The following AGO3 variants were observed in gnomAD, a reference collection of about 807,000 sequenced individuals.
AGO3 encodes protein argonaute-3.
In AGO3, 16 loss-of-function variants were observed where a neutral mutation model predicts 105.5. That is an observed-to-expected ratio of 0.15 (90% CI 0.10 to 0.23). The LOEUF (loss-of-function observed/expected upper bound fraction) is 0.23. Among genes scored for constraint, AGO3 ranks in the 10% least tolerant of loss-of-function variants. The pLI is 1.00. For synonymous variants in AGO3, 340 were observed against 367.3 expected, an observed-to-expected ratio of 0.93 and a Z score of 0.85; for missense variants, 534 against 1,088.0, an observed-to-expected ratio of 0.49 and a Z score of 7.16.
At chr1:36,024,363 C>G (rs1002669182) in intron 11 of AGO3, among the ~76,000 whole-genome samples, 8 of 152,080 alleles carry the variant, frequency 5.3e-5, no homozygotes, top group African/African-American at 1.9e-4. Context: ...TCTCGAACTC[C>G]TGGACTTAAG....
At chr1:35,974,552 C>T (rs1210184253) in intron 5 of AGO3, among the ~76,000 whole-genome samples, 1 of 151,980 alleles carries the variant, frequency 6.6e-6, no homozygotes, top group African/African-American at 2.4e-5. Context: ...TGCTTTATGT[C>T]GTGTCATATT....
chr1:36,007,472 G>T (rs183595383), intron 6 of AGO3, among the ~76,000 whole-genome samples: 2 of 152,290 alleles, frequency 1.3e-5, no homozygotes, highest in East Asian at 3.9e-4. Flanking sequence ...CAAGGTGGGT[G>T]GTTCACCTGA....
chr1:35,952,139 TC>T (rs1557648155), intron 2 of AGO3, among the ~76,000 whole-genome samples: 21,180 of 129,326 alleles, frequency 0.16, 4,240 homozygotes, highest in East Asian at 0.63. Flanking sequence ...TTTCTTTCTT[TC>T]TTTCTTTCTT....
At position 36,027,344 on chromosome 1, in the gene AGO3, C is replaced by T; in HGVS notation, c.1591+46C>T. On this transcript the variant is annotated intron_variant, in intron 12 of 18. Coordinates refer to ENST00000373191, the MANE Select transcript of AGO3 (RefSeq NM_024852.4). The surrounding 1 kb of genome is among the most constrained non-coding windows in gnomAD (Gnocchi z 4.0). ...CATTTTTCCTCAAGTACTTGATGTC[C>T]TTTTAGGATTATACTGAAACATATC... The T allele has an allele frequency of 6.7e-7, 1 of 1,500,262 alleles. No homozygotes were observed. Among genetic ancestry groups the T allele is most frequent in the Non-Finnish European group, 9.0e-7 (1 of 1,109,312 alleles). The allele number at this position is 1,500,262 out of a possible 1,614,324, so 92.9% of individuals were successfully genotyped here. A position where few individuals can be genotyped will look rare whatever the true frequency, so the allele number is the denominator to read the frequency against.
chr1:36,011,354 CT>C lies in AGO3; in HGVS notation c.1149+1770del, dbSNP rs1227810798. Among the ~76,000 whole-genome samples the C allele has an allele frequency of 6.0e-5, 9 of 149,850 alleles. No individual in the cohort carries two copies. The East Asian group carries it at 7.8e-4, about 13-fold the overall frequency. On this transcript the variant is annotated intron_variant, in intron 9 of 18. Coordinates refer to ENST00000373191, the MANE Select transcript of AGO3 (RefSeq NM_024852.4). ...TGGTAAGCCAACTGCAGAAAAAATACTTTTTTTTTTCCTTATTGACTCTTCT... is the reference window on the plus strand; with the variant it reads ...TGGTAAGCCAACTGCAGAAAAAATACTTTTTTTTTCCTTATTGACTCTTCT...
In AGO3 at chr1:36,040,003, C is replaced by G; in HGVS notation, c.2037+19C>G. 6.3e-7 allele frequency: 1 copy of G among 1,593,956 alleles called. No homozygotes were observed. Among genetic ancestry groups the G allele is most frequent in the Non-Finnish European group, 8.6e-7 (1 of 1,166,306 alleles). The stretch of plus-strand genomic sequence containing the variant: ...TAGGCAGGTTGGTTACCTAGAATCT[C>G]ATCAGACTATGGTGAAATCAGATAT... On this transcript the variant is annotated intron_variant, in intron 15 of 18. Transcript: ENST00000373191.
intron 17 of AGO3, among the ~76,000 whole-genome samples, chr1:36,052,705 T>G (rs1437458250): frequency 1.3e-5 from 2 of 152,126 alleles, no homozygotes; most frequent in Admixed American, 1.3e-4. Context: ...CAAAAAAAGT[T>G]AATAGTATCT....
At chr1:36,023,416 G>A (rs1247471458) in intron 11 of AGO3, among the ~76,000 whole-genome samples, 1 of 152,192 alleles carries the variant, frequency 6.6e-6, no homozygotes, top group Non-Finnish European at 1.5e-5. Flanking sequence ...GTTTAATTGA[G>A]GAAACAGTGA....
intron 17 of AGO3, 122 bp from the exon 18 acceptor site, chr1:36,054,824 G>T: frequency 3.4e-6 from 3 of 877,308 alleles, no homozygotes; most frequent in Non-Finnish European, 3.6e-6. Context: ...GGAGGTTGCA[G>T]TGATCTGAGA....
chr1:36,046,566 G>A (rs274738), intron 17 of AGO3, among the ~76,000 whole-genome samples: 15,641 of 134,914 alleles, frequency 0.12, 2,324 homozygotes, highest in East Asian at 0.68. Flanking sequence ...GTCATGGCGC[G>A]CGCCTGTAGT....
Position 35,972,131 on chromosome 1 carries a change from G to A in AGO3, c.420G>A (p.Leu140=). ...GTTGGCACCTACTGCATGAAGTACTGACAGGACGGACCTTGCCTGAGCCAC... is the reference window on the plus strand; with the variant it reads ...GTTGGCACCTACTGCATGAAGTACTAACAGGACGGACCTTGCCTGAGCCAC... The part of the protein sequence containing the change: ...RVSWHLLHEV[L]TGRTLPEPLE... The change falls in exon 4 of 19, where the codon CTG becomes CTA. Residue 140 remains leucine, a synonymous_variant. Coordinates refer to ENST00000373191, the MANE Select transcript of AGO3 (RefSeq NM_024852.4). 1 of 1,614,080 alleles carries A rather than the reference G, an allele frequency of 6.2e-7. No individual in the cohort carries two copies. The highest frequency in any genetic ancestry group is 8.5e-7 in the Non-Finnish European group (1 of 1,180,014).
At chr1:35,995,296 T>G (rs921954421) in intron 5 of AGO3, among the ~76,000 whole-genome samples, 2 of 150,490 alleles carry the variant, frequency 1.3e-5, no homozygotes, top group Non-Finnish European at 3.0e-5. Context: ...AACTTAACAT[T>G]TCTATTTTGA....
At chr1:36,012,317 T>A (rs1640656021) in intron 9 of AGO3, among the ~76,000 whole-genome samples, 1 of 148,032 alleles carries the variant, frequency 6.8e-6, no homozygotes. Flanking sequence ...AGCGAGACCC[T>A]GTCTCAAAAA....
chr1:35,939,291 T>A (rs933774970), intron 1 of AGO3, among the ~76,000 whole-genome samples: 1 of 152,160 alleles, frequency 6.6e-6, no homozygotes, highest in African/African-American at 2.4e-5. Flanking sequence ...TATAGAATTC[T>A]GTTCATTGCT....
intron 5 of AGO3, among the ~76,000 whole-genome samples, chr1:36,003,141 AT>A (rs201615643): frequency 4.2e-3 from 616 of 146,302 alleles, no homozygotes; most frequent in Admixed American, 4.8e-3. Context: ...GACAGTGGGC[AT>A]TTTTTTTTTT....
intron 5 of AGO3, among the ~76,000 whole-genome samples, chr1:35,998,029 T>C (rs189332307): frequency 6.6e-6 from 1 of 152,310 alleles, no homozygotes; most frequent in African/African-American, 2.4e-5. Flanking sequence ...TTAGAGTATA[T>C]TATAAAACCT....
In AGO3 at chr1:35,941,594, C is replaced by A. The variant is rs188890747; in HGVS notation, c.20-4098C>A. On this transcript the variant is annotated intron_variant, in intron 1 of 18. Transcript: ENST00000373191. ...GTTACCATCCCAATTCTCCTACTTA[C>A]TAGCTATAAAAATTTTAGGCAAATT... Among the ~76,000 whole-genome samples the A allele has an allele frequency of 5.9e-5, 9 of 152,288 alleles. No individual in the cohort carries two copies. The East Asian group carries it at 1.7e-3, about 29-fold the overall frequency.
chr1:35,931,490 C>A, intron 1 of AGO3, 45 bp downstream of exon 1: 1 of 1,430,340 alleles, frequency 7.0e-7, no homozygotes, highest in Non-Finnish European at 9.2e-7. Flanking sequence ...CACCCAGCTA[C>A]TGTCCTCTGA....
At chr1:36,018,633 A>T (rs1416130619) in intron 11 of AGO3, among the ~76,000 whole-genome samples, 1 of 151,716 alleles carries the variant, frequency 6.6e-6, no homozygotes, top group Non-Finnish European at 1.5e-5. Flanking sequence ...GGGTTTCACC[A>T]TGTTGGCCAG....
Sources: allele counts gnomAD v4.1 joint callset (sites outside exome capture counted in the v4.1 genomes callset), GRCh38; gene constraint gnomAD v4.1.1; non-coding constraint Gnocchi (gnomAD v3.1); transcripts MANE v1.5; gene names NCBI Gene and HGNC (gene_info 2026-07-23, HGNC 2026-07-21).